Variants in DLGAP4 observed in about 807,000 individuals in gnomAD.
DLGAP4 encodes DLG associated protein 4.
Under a neutral mutation model 86.9 loss-of-function variants are expected in DLGAP4, and 18 were observed. The observed-to-expected ratio is 0.21, with a 90% CI of 0.14 to 0.31. The LOEUF is 0.31. DLGAP4 is among the 10% of genes least tolerant of loss of function. The pLI, the probability that DLGAP4 is intolerant of heterozygous loss-of-function variation, is 1.00. For missense variants in DLGAP4, 1,085 were observed against 1,362.6 expected, an observed-to-expected ratio of 0.80 and a Z score of 3.21; for synonymous variants, 548 against 574.3, an observed-to-expected ratio of 0.95 and a Z score of 0.65.
intron 2 of DLGAP4, among the ~76,000 whole-genome samples, chr20:36,430,289 C>A (rs1219744973): frequency 1.3e-5 from 2 of 152,190 alleles, no homozygotes; most frequent in Non-Finnish European, 2.9e-5. Context: ...CTATTCCAGG[C>A]CATCTTTGCT....
intron 12 of DLGAP4, 95 bp from the exon 13 acceptor site, chr20:36,526,718 G>A: frequency 1.7e-6 from 2 of 1,185,648 alleles, no homozygotes; most frequent in Non-Finnish European, 2.3e-6. Flanking sequence ...AGGCTGGGGT[G>A]GAGACTCCAG....
chr20:36,379,633 G>C (rs113556422), intron 2 of DLGAP4, among the ~76,000 whole-genome samples: 3 of 152,270 alleles, frequency 2.0e-5, no homozygotes, highest in South Asian at 2.1e-4. Flanking sequence ...TGCTGGTTGT[G>C]GGGAGGGGCT....
intron 7 of DLGAP4, among the ~76,000 whole-genome samples, chr20:36,474,924 CAAAT>C (rs2034842037): frequency 6.6e-6 from 1 of 152,150 alleles, no homozygotes; most frequent in Non-Finnish European, 1.5e-5. Context: ...AAGCAGGTAA[CAAAT>C]AAACAGGATA....
chr20:36,387,285 G>A (rs1196582585), intron 2 of DLGAP4, among the ~76,000 whole-genome samples: 1 of 152,196 alleles, frequency 6.6e-6, no homozygotes, highest in African/African-American at 2.4e-5. Context: ...GTCTCATGAT[G>A]TGTTTAGCGG....
chr20:36,445,934 T>G (rs1600540022), intron 6 of DLGAP4, among the ~76,000 whole-genome samples: 1 of 152,228 alleles, frequency 6.6e-6, no homozygotes, highest in Non-Finnish European at 1.5e-5. Flanking sequence ...CTTCAGATTT[T>G]CAGGGTCCTA....
chr20:36,454,624 C>T (rs2033832664), intron 7 of DLGAP4, among the ~76,000 whole-genome samples: 1 of 152,150 alleles, frequency 6.6e-6, no homozygotes, highest in South Asian at 2.1e-4. Flanking sequence ...GCATCTGTCT[C>T]CAAGGAGTGA....
At chr20:36,419,791 C>G (rs2032769965) in intron 2 of DLGAP4, among the ~76,000 whole-genome samples, 1 of 152,236 alleles carries the variant, frequency 6.6e-6, no homozygotes, top group Admixed American at 6.5e-5. Flanking sequence ...AAAGCAGAAG[C>G]TGCAGTGTCT....
intron 10 of DLGAP4, among the ~76,000 whole-genome samples, chr20:36,522,738 G>A (rs951853184): frequency 2.6e-5 from 4 of 152,074 alleles, no homozygotes; most frequent in African/African-American, 7.2e-5. Flanking sequence ...GACTGGTCTC[G>A]AATTCCTGAC....
At chr20:36,447,796 C>G (rs372347598) in intron 7 of DLGAP4, among the ~76,000 whole-genome samples, 6 of 146,874 alleles carry the variant, frequency 4.1e-5, no homozygotes, top group African/African-American at 1.5e-4. Context: ...TATAACTGAG[C>G]AAGCCATGAA....
chr20:36,317,712 TC>T (rs2065123469), intron 1 of DLGAP4, among the ~76,000 whole-genome samples: 1 of 151,932 alleles, frequency 6.6e-6, no homozygotes, highest in Non-Finnish European at 1.5e-5. Flanking sequence ...CTCTCCAGCC[TC>T]CCCAGTTGCT....
rs2036074165 is a variant in DLGAP4 at position 36,500,130 on chromosome 20, C to T, written c.2100-69C>T. 1 of 1,479,992 alleles carries T rather than the reference C, an allele frequency of 6.8e-7. No homozygotes were observed. Among genetic ancestry groups the T allele is most frequent in the Non-Finnish European group, 9.0e-7 (1 of 1,105,488 alleles). 91.7% of individuals were successfully genotyped at this position (1,479,992 alleles called of 1,614,324 possible). On this transcript the variant is annotated intron_variant, in intron 9 of 12. Coordinates refer to ENST00000339266, the MANE Select transcript of DLGAP4 (RefSeq NM_001365621.2). This position sits in a 1 kb window ranked among gnomAD's most constrained non-coding sequence, Gnocchi z 4.6. ...CTCCCGTGTGTCCGGGTCAAGGCGG[C>T]CTCTGGTCTCTGGCCCTCTTGGTGA...
At chr20:36,391,716 C>T (rs1027311064) in intron 2 of DLGAP4, among the ~76,000 whole-genome samples, 1 of 152,210 alleles carries the variant, frequency 6.6e-6, no homozygotes. Flanking sequence ...ACCCTTCACC[C>T]CCCAGTCTAT....
intron 1 of DLGAP4, among the ~76,000 whole-genome samples, chr20:36,337,217 C>G (rs1405586383): frequency 6.6e-6 from 1 of 152,210 alleles, no homozygotes; most frequent in Non-Finnish European, 1.5e-5. Context: ...GGAGGTCAGG[C>G]TCACTTCAGC....
At chr20:36,460,397 C>A (rs1187050059) in intron 7 of DLGAP4, among the ~76,000 whole-genome samples, 1 of 152,218 alleles carries the variant, frequency 6.6e-6, no homozygotes, top group East Asian at 1.9e-4. Context: ...TGCCTGGATT[C>A]AAAACGGTTG....
chr20:36,514,236 A>G (rs907112945), intron 10 of DLGAP4, among the ~76,000 whole-genome samples: 1 of 152,174 alleles, frequency 6.6e-6, no homozygotes, highest in South Asian at 2.1e-4. Flanking sequence ...TTAGATACAT[A>G]AAGGGCCATT....
intron 1 of DLGAP4, among the ~76,000 whole-genome samples, chr20:36,320,501 G>A (rs6127211): frequency 0.11 from 16,559 of 152,078 alleles, 1,119 homozygotes; most frequent in Admixed American, 0.16. Flanking sequence ...GTGAGTGGGG[G>A]CTCTGGTTCT....
chr20:36,464,130 G>A (rs1318368124), intron 7 of DLGAP4, among the ~76,000 whole-genome samples: 1 of 152,204 alleles, frequency 6.6e-6, no homozygotes, highest in East Asian at 1.9e-4. Context: ...GCCTGGCCTG[G>A]AAGTGAGGGG....
intron 7 of DLGAP4, among the ~76,000 whole-genome samples, chr20:36,458,835 G>A (rs776575785): frequency 2.0e-5 from 3 of 152,216 alleles, no homozygotes; most frequent in Non-Finnish European, 2.9e-5. Flanking sequence ...AGTGAGGGAG[G>A]TGGTGACAAC....
chr20:36,520,377 A>C (rs965016058), intron 10 of DLGAP4, among the ~76,000 whole-genome samples: 1 of 151,536 alleles, frequency 6.6e-6, no homozygotes, highest in African/African-American at 2.4e-5. Context: ...ACAGAGTCTC[A>C]CTCTGTTGCC....
Sources: allele counts gnomAD v4.1 joint callset (sites outside exome capture counted in the v4.1 genomes callset), GRCh38; gene constraint gnomAD v4.1.1; non-coding constraint Gnocchi (gnomAD v3.1); transcripts MANE v1.5; gene names NCBI Gene and HGNC (gene_info 2026-07-23, HGNC 2026-07-21).